TOMM34: variants seen among roughly 807,000 people sequenced by gnomAD.
The protein encoded by TOMM34 is mitochondrial import receptor subunit TOM34.
TOMM34 carries 24 observed loss-of-function variants against 37.4 expected under a neutral mutation model. That is an observed-to-expected ratio of 0.64 (90% CI 0.46 to 0.90). The LOEUF (loss-of-function observed/expected upper bound fraction) is 0.90. Among genes scored for constraint, TOMM34 ranks in the 40% least tolerant of loss-of-function variants. The pLI is 0.00. For missense variants in TOMM34, 304 were observed against 375.6 expected (o/e 0.81, Z 1.58); for synonymous variants, 154 against 148.9 (o/e 1.03, Z -0.25).
intron 5 of TOMM34, among the ~76,000 whole-genome samples, chr20:44,944,948 G>C (rs527458641): frequency 6.6e-6 from 1 of 152,146 alleles, no homozygotes; most frequent in Admixed American, 6.5e-5. Context: ...AACGACTTCT[G>C]TAACATTTTT....
At chr20:44,955,027 GGGAGTTGCCGT>G in intron 3 of TOMM34, 30 bp downstream of exon 3, 1 of 1,608,982 alleles carries the variant, frequency 6.2e-7, no homozygotes, top group South Asian at 1.1e-5. Context: ...AAGAAGGACA[GGGAGTTGCCGT>G]GGAGACCACC....
chr20:44,953,425 C>A (rs1384937898), intron 3 of TOMM34, among the ~76,000 whole-genome samples: 5 of 152,182 alleles, frequency 3.3e-5, no homozygotes, highest in Non-Finnish European at 7.3e-5. Context: ...CCTGTTTCCT[C>A]CCACCTCTCT....
chr20:44,948,899 GA>G (rs751536223), intron 4 of TOMM34, 22 bp from the exon 5 acceptor site: 11 of 1,611,310 alleles, frequency 6.8e-6, no homozygotes, highest in Admixed American at 5.0e-5. Flanking sequence ...TTCAGAAGAG[GA>G]AAAAAACCAT....
rs757941877 is a variant in TOMM34 at position 44,956,385 on chromosome 20, C to A, written c.227+1G>T. The A allele has an allele frequency of 1.1e-5, 18 of 1,613,880 alleles. No homozygotes were observed. Among genetic ancestry groups the A allele is most frequent in the African/African-American group, 4.0e-5 (3 of 74,928 alleles). Reference sequence around the variant, plus strand: ...TCCCAAAATTACCCTTGGCCACTTACGAAGTGCAATCTTTGATGCAGTCTC... The same window carrying A: ...TCCCAAAATTACCCTTGGCCACTTAAGAAGTGCAATCTTTGATGCAGTCTC... On this transcript the variant is annotated splice_donor_variant, in intron 2 of 6. Coordinates refer to ENST00000372813, the MANE Select transcript of TOMM34 (RefSeq NM_006809.5). LOFTEE classifies it high-confidence loss of function.
At chr20:44,957,095 C>A (rs886895261) in intron 1 of TOMM34, among the ~76,000 whole-genome samples, 3 of 152,188 alleles carry the variant, frequency 2.0e-5, no homozygotes, top group Non-Finnish European at 4.4e-5. Flanking sequence ...TAAGCTACCC[C>A]ATGGGGAGAA....
chr20:44,958,144 A>ATGTATATGTATATATATG (rs60792281), intron 1 of TOMM34, among the ~76,000 whole-genome samples: 5,557 of 146,724 alleles, frequency 0.038, 306 homozygotes, highest in African/African-American at 0.12. Context: ...ATGTATATAT[A>ATGTATATGTATATATATG]TGTGTGTGTG....
In TOMM34 at chr20:44,951,938, A is replaced by G. The variant is rs754830144; in HGVS notation, c.445T>C (p.Leu149=). 186 of 1,613,994 alleles carry G rather than the reference A, an allele frequency of 1.2e-4. 4 individuals carry two copies. The South Asian group carries it at 1.7e-3, about 15-fold the overall frequency. The change falls in exon 4 of 7, where the codon TTG becomes CTG. Residue 149 remains leucine (L), a synonymous_variant. Coordinates refer to ENST00000372813, the MANE Select transcript of TOMM34 (RefSeq NM_006809.5). The stretch of plus-strand genomic sequence containing the variant: ...CTCTTCTGAGCTGAAACAGGCACCA[A>G]GGGGATTGAGGGCAGCTTCAGGCGC... ...EWRLKLPSIP[L]VPVSAQKRWN...
intron 3 of TOMM34, among the ~76,000 whole-genome samples, chr20:44,952,441 G>T (rs1207742753): frequency 6.6e-6 from 1 of 152,024 alleles, no homozygotes; most frequent in Non-Finnish European, 1.5e-5. Context: ...ACTCCTCAGG[G>T]GTTCCCAATT....
chr20:44,943,213 C>CCAG lies in TOMM34; in HGVS notation c.826-1_826insCTG (p.Lys275_Asp276insLeu). 1 of 1,614,010 alleles carries CCAG rather than the reference C, an allele frequency of 6.2e-7. No individual in the cohort carries two copies. The highest frequency in any genetic ancestry group is 1.1e-5 in the South Asian group (1 of 91,070). On this transcript the variant is annotated inframe_insertion and splice_region_variant. Coordinates refer to ENST00000372813, the MANE Select transcript of TOMM34 (RefSeq NM_006809.5). ...ATGTCTGCAAAGCTGGATTTATAGTCCTAATAGAAGAAAAGACAGGAGTGT... is the reference window on the plus strand; with the variant it reads ...ATGTCTGCAAAGCTGGATTTATAGTCCAGCTAATAGAAGAAAAGACAGGAGTGT...
At chr20:44,954,426 A>C (rs768869183) in intron 3 of TOMM34, among the ~76,000 whole-genome samples, 4 of 152,258 alleles carry the variant, frequency 2.6e-5, no homozygotes, top group Admixed American at 6.5e-5. Flanking sequence ...CTGGCAGACA[A>C]GTCAAGCCAG....
chr20:44,948,116 A>G (rs989583906), intron 5 of TOMM34, among the ~76,000 whole-genome samples: 3 of 152,228 alleles, frequency 2.0e-5, no homozygotes, highest in Non-Finnish European at 4.4e-5. Context: ...ACACTAAAAC[A>G]GAAAGACCAC....
In TOMM34 at chr20:44,943,473, G is replaced by C. The variant is rs1200775690; in HGVS notation, c.805C>G (p.Gln269Glu). The change falls in exon 6 of 7, where the codon CAA (glutamine) becomes GAA (glutamate). Residue 269 changes from glutamine to glutamate, a missense_variant. Coordinates refer to ENST00000372813, the MANE Select transcript of TOMM34 (RefSeq NM_006809.5). ...TTTACCTTGAGTGCTTTGTGGGCTT[G>C]AGCCCGTCTGTAGAATGCCTTCACG... ...KNVKAFYRRAQAHKALKDYKS... is the reference protein window; with the variant it reads ...KNVKAFYRRAEAHKALKDYKS... 1.2e-6 allele frequency: 2 copies of C among 1,614,000 alleles called. No individual in the cohort carries two copies. Among genetic ancestry groups the C allele is most frequent in the Non-Finnish European group, 1.7e-6 (2 of 1,180,028 alleles).
intron 1 of TOMM34, chr20:44,958,437 T>C (rs1250423647): frequency 2.6e-5 from 12 of 469,872 alleles, no homozygotes; most frequent in East Asian, 1.4e-4. Context: ...CAGAGTACGG[T>C]TGCTCAGAAA....
In TOMM34 at chr20:44,945,712, C is replaced by T. The variant is rs549235249; in HGVS notation, c.699-2133G>A. Among the ~76,000 whole-genome samples the T allele has an allele frequency of 2.6e-5, 4 of 152,234 alleles. No individual in the cohort carries two copies. The East Asian group carries it at 5.8e-4, about 22-fold the overall frequency. On this transcript the variant is annotated intron_variant, in intron 5 of 6. Coordinates refer to ENST00000372813, the MANE Select transcript of TOMM34 (RefSeq NM_006809.5). ...TTTAGAGGATTCCAGCCCCAGCTAC[C>T]ATCTTGCTGACCCTGCATGAGAGAC... is the stretch of plus-strand genomic sequence containing the variant.
chr20:44,958,617 AT>A lies in TOMM34; in HGVS notation c.127+1589del, dbSNP rs1315255341. 1.6e-5 allele frequency: 3 copies of A among 187,928 alleles called. No homozygotes were observed. The East Asian group carries it at 4.1e-4, about 25-fold the overall frequency. The allele number at this position is 187,928 out of a possible 1,614,324, so 11.6% of individuals were successfully genotyped here. A position where few individuals can be genotyped will look rare whatever the true frequency, so the allele number is the denominator to read the frequency against. ...GCTCTCTTCGTGATCAAGAAGACTGATCAGATAAATCAAGAGACTTGCCCAA... is the reference window on the plus strand; with the variant it reads ...GCTCTCTTCGTGATCAAGAAGACTGACAGATAAATCAAGAGACTTGCCCAA... On this transcript the variant is annotated intron_variant, in intron 1 of 6. Transcript: ENST00000372813.
intron 4 of TOMM34, among the ~76,000 whole-genome samples, chr20:44,950,376 G>A (rs1163411407): frequency 6.6e-6 from 1 of 152,156 alleles, no homozygotes; most frequent in African/African-American, 2.4e-5. Context: ...CTATCCTGAA[G>A]TCCTCAAACA....
chr20:44,948,675 G>A, intron 5 of TOMM34, 55 bp downstream of exon 5: 1 of 1,600,090 alleles, frequency 6.2e-7, no homozygotes, highest in Non-Finnish European at 8.5e-7. Flanking sequence ...TCCAAGAGAA[G>A]ACTATGGAAC....
intron 6 of TOMM34, 107 bp from the exon 7 acceptor site, chr20:44,943,320 G>C: frequency 6.3e-7 from 1 of 1,592,316 alleles, no homozygotes. Context: ...GGCCTGCTCT[G>C]AGTTATCCTG....
At chr20:44,944,343 C>CT (rs1487115800) in intron 5 of TOMM34, among the ~76,000 whole-genome samples, 2 of 152,196 alleles carry the variant, frequency 1.3e-5, no homozygotes, top group Non-Finnish European at 2.9e-5. Context: ...AAAAACAAAA[C>CT]AGTCAGATGT....
Sources: allele counts gnomAD v4.1 joint callset (sites outside exome capture counted in the v4.1 genomes callset), GRCh38; gene constraint gnomAD v4.1.1; transcripts MANE v1.5; gene names NCBI Gene and HGNC (gene_info 2026-07-23, HGNC 2026-07-21).